Variants in KPNA5 observed in about 807,000 individuals in gnomAD.
KPNA5 encodes the protein importin subunit alpha-6.
In KPNA5, 46 loss-of-function variants were observed where a neutral mutation model predicts 71.3. The observed-to-expected ratio is 0.65, with a 90% CI of 0.51 to 0.83. The LOEUF (loss-of-function observed/expected upper bound fraction) is 0.83, where lower values mean the gene tolerates loss of function less well. KPNA5 is among the 40% of genes least tolerant of loss of function. The probability of loss-of-function intolerance (pLI) is 0.00; values close to 1 mark genes in which losing one functional copy is unlikely to be tolerated. For synonymous variants in KPNA5, 207 were observed against 201.4 expected (o/e 1.03, Z -0.24); for missense variants, 547 against 628.3 (o/e 0.87, Z 1.38).
intron 8 of KPNA5, among the ~76,000 whole-genome samples, chr6:116,721,222 T>C (rs1779093078): frequency 6.6e-6 from 1 of 152,176 alleles, no homozygotes. Context: ...TTCTTTAAAA[T>C]AGGGGTAAAG....
intron 12 of KPNA5, among the ~76,000 whole-genome samples, chr6:116,727,818 ATAGCAAAG>A (rs1779342363): frequency 1.3e-5 from 2 of 152,180 alleles, no homozygotes; most frequent in Admixed American, 1.3e-4. Flanking sequence ...TTTATCTCCC[ATAGCAAAG>A]TTTCACTTAC....
intron 7 of KPNA5, among the ~76,000 whole-genome samples, chr6:116,711,186 G>A (rs577411142): frequency 4.6e-5 from 7 of 150,818 alleles, no homozygotes; most frequent in Admixed American, 1.3e-4. Flanking sequence ...GAGCCACCGC[G>A]CCCAGCCAAA....
intron 7 of KPNA5, among the ~76,000 whole-genome samples, chr6:116,710,873 T>TATATATATATATATATATATATATA (rs1554256692): frequency 3.5e-5 from 3 of 84,880 alleles, no homozygotes; most frequent in Non-Finnish European, 4.5e-5. Context: ...TAATATTATT[T>TATATATATATATATATATATATATA]TATATATATA....
At chr6:116,712,543 G>T (rs1364377326) in intron 7 of KPNA5, among the ~76,000 whole-genome samples, 2 of 152,044 alleles carry the variant, frequency 1.3e-5, no homozygotes, top group South Asian at 4.1e-4. Flanking sequence ...AATATATTCT[G>T]CCAGTTACTA....
chr6:116,717,153 T>C (rs1778916511), intron 8 of KPNA5, among the ~76,000 whole-genome samples: 1 of 152,228 alleles, frequency 6.6e-6, no homozygotes, highest in South Asian at 2.1e-4. Context: ...ATTTTGATAC[T>C]ACTGCCGTGA....
At chr6:116,685,817 TG>T (rs1777561314) in intron 1 of KPNA5, among the ~76,000 whole-genome samples, 1 of 152,218 alleles carries the variant, frequency 6.6e-6, no homozygotes, top group Non-Finnish European at 1.5e-5. Flanking sequence ...ATGGAATTGC[TG>T]GGCCAAATGG....
chr6:116,700,426 C>T (rs566571414), intron 5 of KPNA5, among the ~76,000 whole-genome samples: 1 of 152,232 alleles, frequency 6.6e-6, no homozygotes, highest in African/African-American at 2.4e-5. Context: ...GCTGTGATCA[C>T]ACCACTGCAC....
intron 4 of KPNA5, among the ~76,000 whole-genome samples, chr6:116,695,701 T>G (rs1406901123): frequency 6.6e-6 from 1 of 152,236 alleles, no homozygotes; most frequent in East Asian, 1.9e-4. Context: ...TCAAGAAACC[T>G]TTTTGCAATC....
chr6:116,716,317 AG>A lies in KPNA5; in HGVS notation c.756+1del. On this transcript the variant is annotated frameshift_variant and splice_region_variant, in exon 8 of 14. Transcript: ENST00000368564. LOFTEE classifies it high-confidence loss of function. The part of the protein sequence containing the change: ...RGKNPPPNFS[K>X]VSPCLNVLSR... Reference sequence around the variant, plus strand: ...AAAAACCCTCCTCCAAACTTTAGTAAGGTATGAGTAAAATACACAAATTAAA... The same window carrying A: ...AAAAACCCTCCTCCAAACTTTAGTAAGTATGAGTAAAATACACAAATTAAA... The A allele has an allele frequency of 6.3e-7, 1 of 1,577,784 alleles. No homozygotes were observed. Among genetic ancestry groups the A allele is most frequent in the Non-Finnish European group, 8.7e-7 (1 of 1,148,662 alleles).
chr6:116,692,958 T>A (rs1777863125), intron 4 of KPNA5, among the ~76,000 whole-genome samples: 1 of 152,188 alleles, frequency 6.6e-6, no homozygotes, highest in African/African-American at 2.4e-5. Flanking sequence ...ATTGTTCAAT[T>A]CCCACCTATG....
intron 4 of KPNA5, among the ~76,000 whole-genome samples, chr6:116,694,260 C>G (rs1304420663): frequency 1.3e-5 from 2 of 152,036 alleles, no homozygotes; most frequent in African/African-American, 4.8e-5. Flanking sequence ...GTAGTTTTTT[C>G]CAATTCTGTG....
At chr6:116,695,415 A>G (rs987502017) in intron 4 of KPNA5, among the ~76,000 whole-genome samples, 3 of 152,126 alleles carry the variant, frequency 2.0e-5, no homozygotes, top group African/African-American at 7.2e-5. Context: ...AAAAATTTAA[A>G]TCTTTGTCTT....
chr6:116,685,450 C>T (rs567282263), intron 1 of KPNA5, among the ~76,000 whole-genome samples: 3 of 152,256 alleles, frequency 2.0e-5, no homozygotes, highest in South Asian at 4.2e-4. Context: ...CTCCACCCTC[C>T]GGTAGGCCCC....
chr6:116,691,681 C>T (rs938107439), intron 2 of KPNA5, among the ~76,000 whole-genome samples: 2 of 152,160 alleles, frequency 1.3e-5, no homozygotes, highest in African/African-American at 4.8e-5. Flanking sequence ...CTTTCATATG[C>T]AACAGATGTG....
At chr6:116,701,160 T>C (rs964413450) in intron 5 of KPNA5, among the ~76,000 whole-genome samples, 5 of 152,214 alleles carry the variant, frequency 3.3e-5, no homozygotes, top group Non-Finnish European at 7.3e-5. Flanking sequence ...ATTTCAGTAA[T>C]GCTTTTGGGT....
In KPNA5 at chr6:116,732,074, T is replaced by TTTTATATATATATATATATATATATATA. The variant is rs1463339776; in HGVS notation, c.1433-61_1433-60insTTATATATATATATATATATATATATAT. On this transcript the variant is annotated intron_variant, in intron 13 of 13. Coordinates refer to ENST00000368564, the MANE Select transcript of KPNA5 (RefSeq NM_001366306.2). The stretch of plus-strand genomic sequence containing the variant: ...TACTGAAATTGTAGTAACAGTTTGT[T>TTTTATATATATATATATATATATATATA]TATATATATATATATATATATATAT... The TTTTATATATATATATATATATATATATA allele has an allele frequency of 6.0e-5, 4 of 66,302 alleles. 1 individual carries two copies. Among genetic ancestry groups the TTTTATATATATATATATATATATATATA allele is most frequent in the Non-Finnish European group, 1.3e-4 (4 of 31,644 alleles). The allele number at this position is 66,302 out of a possible 1,614,324, so 4.1% of individuals were successfully genotyped here.
At chr6:116,730,649 T>G (rs1583450141) in intron 13 of KPNA5, among the ~76,000 whole-genome samples, 1 of 152,214 alleles carries the variant, frequency 6.6e-6, no homozygotes, top group Non-Finnish European at 1.5e-5. Context: ...TTGCTGACAG[T>G]GTCACTGGCA....
chr6:116,681,832 C>T (rs1777371030), intron 1 of KPNA5, among the ~76,000 whole-genome samples: 1 of 152,160 alleles, frequency 6.6e-6, no homozygotes, highest in Non-Finnish European at 1.5e-5. Flanking sequence ...GTGCTCATTC[C>T]CGACGACAAG....
rs891149111 is a variant in KPNA5, at chr6:116,738,707, A to G, written c.*6384A>G. ...AAGGCTGGTTCAATATACGCAAATC[A>G]ATAAATGTAATCCAGCATATAAACA... is the stretch of plus-strand genomic sequence containing the variant. On this transcript the variant is annotated 3_prime_UTR_variant, in exon 14 of 14. Coordinates refer to ENST00000368564, the MANE Select transcript of KPNA5 (RefSeq NM_001366306.2). The G allele has an allele frequency of 6.6e-6, 1 of 152,140 alleles. No homozygotes were observed. Among genetic ancestry groups the G allele is most frequent in the Non-Finnish European group, 1.5e-5 (1 of 68,010 alleles). The allele number at this position is 152,140 out of a possible 1,614,324, so 9.4% of individuals were successfully genotyped here. A position where few individuals can be genotyped will look rare whatever the true frequency, so the allele number is the denominator to read the frequency against.
Sources: gnomAD v4.1 joint callset for allele counts (sites outside exome capture counted in the v4.1 genomes callset) on GRCh38, gnomAD v4.1.1 for gene constraint, MANE v1.5 for transcripts, NCBI Gene and HGNC (gene_info 2026-07-23, HGNC 2026-07-21) for gene names.